Variants in MYT1 observed in about 807,000 individuals in gnomAD.
MYT1 encodes the protein myelin transcription factor I.
Under a neutral mutation model 123.0 loss-of-function variants are expected in MYT1, and 23 were observed. The observed-to-expected ratio is 0.19, with a 90% CI of 0.13 to 0.26. MYT1 has a LOEUF of 0.26. Among genes scored for constraint, MYT1 ranks in the 10% least tolerant of loss-of-function variants. The pLI, the probability that MYT1 is intolerant of heterozygous loss-of-function variation, is 1.00. For missense variants in MYT1, 1,125 were observed against 1,472.5 expected, an observed-to-expected ratio of 0.76 and a Z score of 3.86; for synonymous variants, 518 against 575.3, an observed-to-expected ratio of 0.90 and a Z score of 1.43.
At chr20:64,188,025 G>T (rs1194706539) in intron 1 of MYT1, among the ~76,000 whole-genome samples, 1 of 152,224 alleles carries the variant, frequency 6.6e-6, no homozygotes, top group Non-Finnish European at 1.5e-5. Context: ...GGGCCTCAGG[G>T]CCTCAGGACT....
intron 21 of MYT1, among the ~76,000 whole-genome samples, chr20:64,238,111 G>GAAA (rs11471444): frequency 0.17 from 24,709 of 148,728 alleles, 2,714 homozygotes; most frequent in African/African-American, 0.31. Context: ...TTTGTAATCA[G>GAAA]AAAAAAAAAA....
chr20:64,239,817 G>C lies in MYT1; in HGVS notation c.3151G>C (p.Glu1051Gln). The C allele has an allele frequency of 6.2e-7, 1 of 1,613,996 alleles. No homozygotes were observed. Among genetic ancestry groups the C allele is most frequent in the East Asian group, 2.2e-5 (1 of 44,886 alleles). ...NIEEENKLIE[E>Q]QNEALFLELS... Reference sequence around the variant, plus strand: ...CGAGGAGGAGAACAAGCTCATTGAGGAGCAGAATGAAGCCCTGTTTCTGGA... The same window carrying C: ...CGAGGAGGAGAACAAGCTCATTGAGCAGCAGAATGAAGCCCTGTTTCTGGA... Residue 1051 changes from glutamate (E) to glutamine (Q), a missense_variant, in exon 22 of 23, where the codon GAG becomes CAG. This residue lies in a region of MYT1 where 243 missense variants were observed against 323.1 expected (regional missense o/e 0.75). Transcript: ENST00000328439.
intron 21 of MYT1, 114 bp from the exon 22 acceptor site, chr20:64,239,646 C>T: frequency 3.4e-6 from 5 of 1,472,664 alleles, no homozygotes. Context: ...CTGCCTCTTC[C>T]CCCACCCCAG....
rs750178229 is a variant in MYT1 at position 64,217,071 on chromosome 20, A to G, written c.1636A>G (p.Met546Val). Residue 546 changes from methionine (M) to valine (V), a missense_variant, in exon 11 of 23, where the codon ATG (methionine) becomes GTG (valine). This residue lies in a region of MYT1 where 429 missense variants were observed against 604.1 expected (regional missense o/e 0.71). Transcript: ENST00000328439. ...CATCCCTGTACTGCACCCCAGGCCC[A>G]TGTGCTTCGTGAAGCAGCTCGAGGT... ...SSNSDRILRPMCFVKQLEVPP... is the reference protein window; with the variant it reads ...SSNSDRILRPVCFVKQLEVPP... 1.2e-6 allele frequency: 2 copies of G among 1,613,324 alleles called. No individual in the cohort carries two copies. The highest frequency in any genetic ancestry group is 2.2e-5 in the South Asian group (2 of 91,068).
In MYT1 at chr20:64,189,157, AAAAG is replaced by A. The variant is rs1982897325; in HGVS notation, c.-98-897_-98-894del. 1.3e-5 allele frequency among the ~76,000 whole-genome samples: 2 copies of A among 152,236 alleles called. No individual in the cohort carries two copies. Among genetic ancestry groups the A allele is most frequent in the African/African-American group, 4.8e-5 (2 of 41,464 alleles). ...GGGGATGCACATCAAAAACACGAGGAAAAGAAAGAAAGTGGGTGGGAATAGCGTG... is the reference window on the plus strand; with the variant it reads ...GGGGATGCACATCAAAAACACGAGGAAAAGAAAGTGGGTGGGAATAGCGTG... On this transcript the variant is annotated intron_variant, in intron 1 of 22. Coordinates refer to ENST00000328439, the MANE Select transcript of MYT1 (RefSeq NM_004535.3). This position sits in a 1 kb window ranked among gnomAD's most constrained non-coding sequence, Gnocchi z 5.5.
At chr20:64,178,080 C>T (rs927053460) in intron 1 of MYT1, among the ~76,000 whole-genome samples, 1 of 152,222 alleles carries the variant, frequency 6.6e-6, no homozygotes, top group Non-Finnish European at 1.5e-5. Flanking sequence ...CCTCAGGATC[C>T]TCCTTGGTCC....
chr20:64,204,146 C>T (rs1601711778), intron 4 of MYT1, among the ~76,000 whole-genome samples: 1 of 152,220 alleles, frequency 6.6e-6, no homozygotes, highest in East Asian at 1.9e-4. Flanking sequence ...GCCTTACACT[C>T]CACACTGGCC....
intron 5 of MYT1, among the ~76,000 whole-genome samples, 161 bp from the exon 6 acceptor site, chr20:64,205,392 C>G (rs896722442): frequency 3.9e-5 from 6 of 152,208 alleles, no homozygotes; most frequent in African/African-American, 1.4e-4. Context: ...ATCTGACCCC[C>G]TAGTGCTGCA....
chr20:64,209,160 T>C (rs933366618), intron 7 of MYT1, among the ~76,000 whole-genome samples: 1 of 152,176 alleles, frequency 6.6e-6, no homozygotes, highest in Non-Finnish European at 1.5e-5. Flanking sequence ...GGGGAGCAGC[T>C]GGGAGCCTGG....
intron 20 of MYT1, 112 bp downstream of exon 20, chr20:64,236,758 G>C: frequency 1.1e-6 from 1 of 903,692 alleles, no homozygotes; most frequent in Non-Finnish European, 1.8e-6. Context: ...GCCCCTCCTG[G>C]AATGAGTCAC....
rs1354352309 is a variant in MYT1 at position 64,189,708 on chromosome 20, C to T, written c.-98-355C>T. 1.3e-5 allele frequency among the ~76,000 whole-genome samples: 2 copies of T among 152,190 alleles called. No homozygotes were observed. Among genetic ancestry groups the T allele is most frequent in the African/African-American group, 2.4e-5 (1 of 41,450 alleles). On this transcript the variant is annotated intron_variant, in intron 1 of 22. Transcript: ENST00000328439. This position sits in a 1 kb window ranked among gnomAD's most constrained non-coding sequence, Gnocchi z 5.5. ...AATTACTCATTAGTCAGCTCATTTT[C>T]AAAGTTGGAGGGGTGACATGCCAAG...
chr20:64,220,033 C>T, intron 13 of MYT1, 51 bp downstream of exon 13: 1 of 1,430,826 alleles, frequency 7.0e-7, no homozygotes, highest in East Asian at 2.6e-5. Flanking sequence ...CCAGCTTGCC[C>T]TGCCTGAGGC....
chr20:64,215,560 G>T (rs1043323618), intron 10 of MYT1, among the ~76,000 whole-genome samples: 4 of 152,090 alleles, frequency 2.6e-5, no homozygotes, highest in African/African-American at 9.7e-5. Context: ...GCCATCAACG[G>T]TGGTACCAAT....
chr20:64,205,871 C>T (rs1327465571), intron 6 of MYT1, 71 bp downstream of exon 6: 23 of 1,571,206 alleles, frequency 1.5e-5, no homozygotes, highest in Admixed American at 3.5e-5. Context: ...AGCCTGTGAG[C>T]GGGGAGGGGC....
Position 64,236,638 on chromosome 20 carries a change from C to T in MYT1, c.2981C>T (p.Thr994Ile). ...GDEVLSPKFK[T>I]SDVLENDEEI... is the part of the protein sequence containing the mutation. ...GAGGTCCTCAGTCCAAAGTTCAAGA[C>T]TAGCGACGGTAAGGATGGCTTCCTG... is the stretch of plus-strand genomic sequence containing the variant. Residue 994 changes from threonine to isoleucine, a missense_variant, in exon 20 of 23, where the codon ACT becomes ATT. Physicochemically the swap from Thr to Ile is moderately conservative, Grantham distance 89. Around this residue, in one of 4 missense-constraint regions of MYT1, gnomAD observed 243 missense variants for 323.1 expected, o/e 0.75. Coordinates refer to ENST00000328439, the MANE Select transcript of MYT1 (RefSeq NM_004535.3). 6.2e-7 allele frequency: 1 copy of T among 1,613,498 alleles called. No individual in the cohort carries two copies. Among genetic ancestry groups the T allele is most frequent in the Non-Finnish European group, 8.5e-7 (1 of 1,179,632 alleles).
At chr20:64,172,944 G>T (rs1982331100) in intron 1 of MYT1, among the ~76,000 whole-genome samples, 1 of 151,842 alleles carries the variant, frequency 6.6e-6, no homozygotes, top group African/African-American at 2.4e-5. Context: ...GGTCAGGCTG[G>T]TCTTTAACTC....
In MYT1 at chr20:64,219,839, G is replaced by C. The variant is rs959138463; in HGVS notation, c.2098G>C (p.Ala700Pro). Residue 700 changes from alanine to proline, a missense_variant, in exon 13 of 23, where the codon GCC becomes CCC. By Grantham distance (27) the Ala-to-Pro change is conservative. This residue lies in a region of MYT1 where 429 missense variants were observed against 604.1 expected (regional missense o/e 0.71). Transcript: ENST00000328439. The part of the protein sequence containing the change: ...SSSPGVKSPD[A>P]SQRHSSTSAP... ...CAGCCCCGGTGTGAAGTCTCCCGAC[G>C]CCTCCCAGCGCCACAGCAGCACCAG... 6.2e-7 allele frequency: 1 copy of C among 1,610,318 alleles called. No homozygotes were observed. The highest frequency in any genetic ancestry group is 8.5e-7 in the Non-Finnish European group (1 of 1,178,362).
At chr20:64,235,804 C>A (rs182974227) in intron 19 of MYT1, among the ~76,000 whole-genome samples, 2,515 of 30,594 alleles carry the variant, frequency 0.082, 221 homozygotes, top group African/African-American at 0.19. Flanking sequence ...TGACACTGGG[C>A]TGGCTGTGGT....
In MYT1 at chr20:64,202,700, T is replaced by C. The variant is rs950070851; in HGVS notation, c.87-2335T>C. On this transcript the variant is annotated intron_variant, in intron 4 of 22. Transcript: ENST00000328439. This position sits in a 1 kb window ranked among gnomAD's most constrained non-coding sequence, Gnocchi z 5.0. ...CTCCTGACTTGTCTCCTTTGACGCC[T>C]ACTTTTCAAGTTTGGGTCCCTCAGA... Among the ~76,000 whole-genome samples, 2 of 152,180 alleles carry C rather than the reference T, an allele frequency of 1.3e-5. No individual in the cohort carries two copies. Among genetic ancestry groups the C allele is most frequent in the African/African-American group, 4.8e-5 (2 of 41,440 alleles).
Sources: allele counts gnomAD v4.1 joint callset (sites outside exome capture counted in the v4.1 genomes callset), GRCh38; gene constraint gnomAD v4.1.1; regional missense constraint gnomAD v4.1.1; non-coding constraint Gnocchi (gnomAD v3.1); transcripts MANE v1.5; gene names NCBI Gene and HGNC (gene_info 2026-07-23, HGNC 2026-07-21).